Variants in RELN observed in about 807,000 individuals in gnomAD.
RELN encodes the protein reelin.
A neutral mutation model predicts 427.6 loss-of-function variants in RELN; 108 were observed. The observed-to-expected ratio is 0.25, with a 90% CI of 0.22 to 0.30. The LOEUF is 0.30. RELN is among the 10% of genes least tolerant of loss of function. The pLI, the probability that RELN is intolerant of heterozygous loss-of-function variation, is 1.00. For synonymous variants in RELN, 1,524 were observed against 1,513.4 expected (o/e 1.01, Z -0.16); for missense variants, 3,715 against 4,302.8 (o/e 0.86, Z 3.82).
chr7:103,578,146 T>C (rs374580445), intron 28 of RELN, among the ~76,000 whole-genome samples: 70 of 152,300 alleles, frequency 4.6e-4, no homozygotes, highest in African/African-American at 1.6e-3. Context: ...TGGGCTCTTA[T>C]AGTTTTTATA....
intron 1 of RELN, among the ~76,000 whole-genome samples, chr7:103,919,891 T>C (rs533327321): frequency 8.0e-4 from 122 of 152,312 alleles, no homozygotes; most frequent in Middle Eastern, 6.8e-3. Flanking sequence ...AGGTTCACAC[T>C]TGTGAATGTA....
chr7:103,583,927 G>A (rs1404574797), intron 28 of RELN, among the ~76,000 whole-genome samples: 2 of 152,210 alleles, frequency 1.3e-5, no homozygotes, highest in Non-Finnish European at 2.9e-5. Context: ...GGGAACTCAC[G>A]CTAGGTCACT....
intron 1 of RELN, among the ~76,000 whole-genome samples, chr7:103,962,676 G>A (rs916914406): frequency 2.8e-5 from 4 of 142,696 alleles, no homozygotes; most frequent in Non-Finnish European, 6.1e-5. Context: ...GTGTGTGTGT[G>A]TAGCTAATAT....
chr7:103,566,427 A>G lies in RELN; in HGVS notation c.4748-15T>C. ...TGAATGCTTCCCTGCAATCAGATGA[A>G]TAAAGGTGGTTAGAGAAGTTTTGTT... On this transcript the variant is annotated splice_polypyrimidine_tract_variant and intron_variant, in intron 32 of 64. Coordinates refer to ENST00000428762, the MANE Select transcript of RELN (RefSeq NM_005045.4). The G allele has an allele frequency of 6.2e-7, 1 of 1,613,392 alleles. No individual in the cohort carries two copies.
At chr7:103,900,581 T>C (rs1179605089) in intron 2 of RELN, among the ~76,000 whole-genome samples, 1 of 152,130 alleles carries the variant, frequency 6.6e-6, no homozygotes, top group East Asian at 1.9e-4. Flanking sequence ...AACAACATGG[T>C]ACTGGTACCA....
At position 103,510,579 on chromosome 7, in the gene RELN, A is replaced by G. The variant is rs146168362; in HGVS notation, c.8274+272T>C. ...AAACCACCATGCCACATGTATACCT[A>G]TGTAACAAACCTGCATGTTCTGCAC... is the stretch of plus-strand genomic sequence containing the variant. On this transcript the variant is annotated intron_variant, in intron 51 of 64. Coordinates refer to ENST00000428762, the MANE Select transcript of RELN (RefSeq NM_005045.4). Among the ~76,000 whole-genome samples, 1,596 of 152,278 alleles carry G rather than the reference A, an allele frequency of 0.01. 29 individuals carry two copies. Among genetic ancestry groups the G allele is most frequent in the African/African-American group, 0.037 (1,523 of 41,548 alleles).
chr7:103,601,924 C>T (rs1490885313), intron 24 of RELN, among the ~76,000 whole-genome samples: 6 of 152,094 alleles, frequency 3.9e-5, no homozygotes, highest in Non-Finnish European at 8.8e-5. Flanking sequence ...CTGACTACTG[C>T]AAGAAAAACT....
intron 2 of RELN, among the ~76,000 whole-genome samples, chr7:103,892,012 C>A (rs771960788): frequency 1.4e-4 from 22 of 152,168 alleles, no homozygotes; most frequent in Non-Finnish European, 1.8e-4. Flanking sequence ...TGCTGGGAAG[C>A]AACTGTCCCA....
intron 3 of RELN, among the ~76,000 whole-genome samples, chr7:103,832,918 C>T (rs39367): frequency 0.37 from 55,901 of 151,932 alleles, 10,668 homozygotes; most frequent in Non-Finnish European, 0.42. Context: ...TGTAACCCGT[C>T]TTCACCATAT....
Position 103,667,840 on chromosome 7 carries a change from A to G in RELN, c.1290-6313T>C, listed in dbSNP as rs564820787. On this transcript the variant is annotated intron_variant, in intron 11 of 64. Coordinates refer to ENST00000428762, the MANE Select transcript of RELN (RefSeq NM_005045.4). ...TCTATTTTCAAAGCAAAGACTATCC[A>G]GGGAAATAATTTTTAGGAACACCAA... Among the ~76,000 whole-genome samples, 356 of 152,354 alleles carry G rather than the reference A, an allele frequency of 2.3e-3. 3 individuals are homozygous for G. Among genetic ancestry groups the G allele is most frequent in the African/African-American group, 8.3e-3 (345 of 41,582 alleles).
At chr7:103,836,721 T>C (rs1426129970) in intron 2 of RELN, among the ~76,000 whole-genome samples, 1 of 152,162 alleles carries the variant, frequency 6.6e-6, no homozygotes, top group African/African-American at 2.4e-5. Flanking sequence ...TTTGGCTCAC[T>C]TTCTGCTTTT....
intron 3 of RELN, among the ~76,000 whole-genome samples, chr7:103,788,647 T>C (rs778626009): frequency 4.6e-5 from 7 of 152,126 alleles, no homozygotes; most frequent in African/African-American, 2.4e-5. Flanking sequence ...GAAGGAACTC[T>C]TCAAGGAGAA....
rs1411530332 is a variant in RELN, at chr7:103,651,666, G to A, written c.1887C>T (p.Tyr629=). 2.5e-6 allele frequency: 4 copies of A among 1,611,368 alleles called. No homozygotes were observed. Among genetic ancestry groups the A allele is most frequent in the Non-Finnish European group, 2.5e-6 (3 of 1,178,068 alleles). ...CTCAGAGAGAATGTACTCACCCACT[G>A]TAGTTTTCAGAGGAGTAGACAGTGC... The part of the protein sequence containing the change: ...PHSTVYSSEN[Y]SGWNRITIPL... Residue 629 remains tyrosine (Y), a synonymous_variant, in exon 15 of 65, where the codon TAC becomes TAT. Coordinates refer to ENST00000428762, the MANE Select transcript of RELN (RefSeq NM_005045.4).
intron 4 of RELN, among the ~76,000 whole-genome samples, chr7:103,770,450 C>T (rs1435389483): frequency 6.6e-6 from 1 of 152,098 alleles, no homozygotes; most frequent in Non-Finnish European, 1.5e-5. Flanking sequence ...CATGGTTCCC[C>T]CATGGTTTGC....
intron 3 of RELN, among the ~76,000 whole-genome samples, chr7:103,795,334 T>C (rs996871943): frequency 3.3e-5 from 5 of 152,200 alleles, no homozygotes; most frequent in African/African-American, 1.2e-4. Flanking sequence ...AACACAGCCC[T>C]TAGGCTTGGG....
In RELN at chr7:103,596,724, C is replaced by G. The variant is rs1831545180; in HGVS notation, c.3334-63G>C. The G allele has an allele frequency of 7.0e-6, 10 of 1,433,268 alleles. No homozygotes were observed. The South Asian group carries it at 1.0e-4, about 15-fold the overall frequency. 88.8% of individuals were successfully genotyped at this position (1,433,268 alleles called of 1,614,324 possible). A position where few individuals can be genotyped will look rare whatever the true frequency, so the allele number is the denominator to read the frequency against. On this transcript the variant is annotated intron_variant, in intron 24 of 64. Transcript: ENST00000428762. ...GGAGTTCTTTGGCATTTTGTTGTTT[C>G]AGTTCCAAATTCACATGGACATCTT...
At chr7:103,783,749 T>C (rs1791951160) in intron 3 of RELN, among the ~76,000 whole-genome samples, 1 of 152,188 alleles carries the variant, frequency 6.6e-6, no homozygotes, top group Admixed American at 6.5e-5. Context: ...GAATGGTTAA[T>C]AGTAACTTAG....
chr7:103,597,993 A>G (rs1831577914), intron 24 of RELN, among the ~76,000 whole-genome samples: 1 of 152,236 alleles, frequency 6.6e-6, no homozygotes, highest in Admixed American at 6.5e-5. Context: ...AAGTTCAATT[A>G]AAAGTCGGGA....
chr7:103,706,430 C>T (rs952287497), intron 8 of RELN, among the ~76,000 whole-genome samples: 7 of 151,990 alleles, frequency 4.6e-5, no homozygotes, highest in South Asian at 4.1e-4. Context: ...CTCAAGAGAA[C>T]AATTATAGGG....
Sources: gnomAD v4.1 joint callset for allele counts (sites outside exome capture counted in the v4.1 genomes callset) on GRCh38, gnomAD v4.1.1 for gene constraint, MANE v1.5 for transcripts, NCBI Gene and HGNC (gene_info 2026-07-23, HGNC 2026-07-21) for gene names.